The following EFR3A variants were observed in gnomAD, a reference collection of about 807,000 sequenced individuals.
EFR3A encodes the protein EFR3 homolog A.
EFR3A carries 76 observed loss-of-function variants against 104.4 expected under a neutral mutation model. That is an observed-to-expected ratio of 0.73 (90% confidence interval 0.60 to 0.88). The LOEUF is 0.88. Ranked by LOEUF, EFR3A falls within the 40% of genes least tolerant of loss-of-function variation. The pLI, the probability that EFR3A is intolerant of heterozygous loss-of-function variation, is 0.00. For synonymous variants in EFR3A, 330 were observed against 330.0 expected (o/e 1.00, Z 0.00); for missense variants, 985 against 1,012.5 (o/e 0.97, Z 0.37).
chr8:131,975,920 G>A (rs1820302395), intron 10 of EFR3A, 107 bp from the exon 11 acceptor site: 1 of 651,432 alleles, frequency 1.5e-6, no homozygotes, highest in Non-Finnish European at 2.7e-6. Context: ...ACAGACTTGT[G>A]AGGGATTGTT....
At chr8:131,975,281 G>A (rs563056532) in intron 10 of EFR3A, among the ~76,000 whole-genome samples, 3 of 152,142 alleles carry the variant, frequency 2.0e-5, no homozygotes, top group East Asian at 1.9e-4. Flanking sequence ...CCAGAGTAGT[G>A]ACTAATTATT....
intron 4 of EFR3A, among the ~76,000 whole-genome samples, chr8:131,949,095 A>G (rs1479453297): frequency 6.6e-6 from 1 of 152,128 alleles, no homozygotes; most frequent in Non-Finnish European, 1.5e-5. Flanking sequence ...TACTGATTCA[A>G]GAAAGAAAAA....
At chr8:131,957,490 A>G (rs1307016064) in intron 7 of EFR3A, among the ~76,000 whole-genome samples, 2 of 151,718 alleles carry the variant, frequency 1.3e-5, no homozygotes, top group Non-Finnish European at 2.9e-5. Flanking sequence ...AGCTTGGATT[A>G]TAGGCATGCG....
intron 12 of EFR3A, among the ~76,000 whole-genome samples, chr8:131,977,751 T>C (rs1469142040): frequency 6.6e-6 from 1 of 152,124 alleles, no homozygotes; most frequent in East Asian, 1.9e-4. Context: ...ATACCTTGTG[T>C]GGTTGTATTT....
chr8:131,925,783 A>G (rs549276221), intron 1 of EFR3A, among the ~76,000 whole-genome samples: 251 of 152,242 alleles, frequency 1.6e-3, no homozygotes, highest in African/African-American at 5.9e-3. Context: ...TTTAGTAGAA[A>G]GATCTTCTAC....
Position 132,013,405 on chromosome 8 carries a change from A to G in EFR3A, c.*2510A>G, listed in dbSNP as rs1822449447. 6.6e-6 allele frequency: 1 copy of G among 152,550 alleles called. No homozygotes were observed. Among genetic ancestry groups the G allele is most frequent in the Admixed American group, 6.6e-5 (1 of 15,256 alleles). The allele number at this position is 152,550 out of a possible 1,614,324, so 9.4% of individuals were successfully genotyped here. ...TAGAATAATAATACTACTACACTTT[A>G]CCAGCAATTAACTTCTCCCTACCCA... is the stretch of plus-strand genomic sequence containing the variant. On this transcript the variant is annotated 3_prime_UTR_variant, in exon 23 of 23. Coordinates refer to ENST00000254624, the MANE Select transcript of EFR3A (RefSeq NM_015137.6).
intron 18 of EFR3A, among the ~76,000 whole-genome samples, chr8:131,990,623 A>C (rs1273238601): frequency 6.6e-6 from 1 of 152,182 alleles, no homozygotes; most frequent in East Asian, 1.9e-4. Context: ...AGAGGATAAC[A>C]TGATCAGAGT....
chr8:131,944,109 T>TA (rs1416783575), intron 2 of EFR3A, among the ~76,000 whole-genome samples: 1 of 152,046 alleles, frequency 6.6e-6, no homozygotes, highest in African/African-American at 2.4e-5. Context: ...AAGCAACACT[T>TA]ACTTGGGTTA....
chr8:131,962,279 G>C (rs1314015063), intron 8 of EFR3A, among the ~76,000 whole-genome samples: 1 of 152,152 alleles, frequency 6.6e-6, no homozygotes, highest in African/African-American at 2.4e-5. Flanking sequence ...TGGATTAAGA[G>C]TCAAGACCCA....
chr8:131,935,086 A>T (rs1167972495), intron 1 of EFR3A, among the ~76,000 whole-genome samples: 1 of 152,112 alleles, frequency 6.6e-6, no homozygotes, highest in South Asian at 2.1e-4. Flanking sequence ...TTTCACCTTG[A>T]TTACTGGTGG....
intron 1 of EFR3A, among the ~76,000 whole-genome samples, chr8:131,930,656 A>G (rs1817550037): frequency 6.6e-6 from 1 of 152,062 alleles, no homozygotes; most frequent in African/African-American, 2.4e-5. Context: ...TTACTTAGAA[A>G]ATCTACTCCC....
rs1019671910 is a variant in EFR3A, at chr8:131,944,869, C to T, written c.212C>T (p.Ser71Phe). ...AGCAGGGATGTTGTCAGACATCGTT[C>T]TGGGTAAGGAAACTAATGGCTGCTA... is the stretch of plus-strand genomic sequence containing the variant. ...RLSRDVVRHR[S>F]GYVLIAMEAL... is the part of the protein sequence containing the mutation. Residue 71 changes from serine (S) to phenylalanine (F), a missense_variant, in exon 3 of 23, where the codon TCT becomes TTT. Transcript: ENST00000254624. 3 of 1,607,250 alleles carry T rather than the reference C, an allele frequency of 1.9e-6. No individual in the cohort carries two copies. Among genetic ancestry groups the T allele is most frequent in the Non-Finnish European group, 2.5e-6 (3 of 1,177,510 alleles).
At chr8:131,978,165 T>G (rs778429214) in intron 12 of EFR3A, among the ~76,000 whole-genome samples, 4 of 152,222 alleles carry the variant, frequency 2.6e-5, no homozygotes, top group Non-Finnish European at 5.9e-5. Flanking sequence ...GCAATTTAAT[T>G]TGATCCTAAG....
chr8:131,920,250 A>T (rs1816937008), intron 1 of EFR3A, among the ~76,000 whole-genome samples: 2 of 152,136 alleles, frequency 1.3e-5, no homozygotes, highest in South Asian at 4.1e-4. Context: ...CCTAAGCAGC[A>T]ATGGCCATTT....
rs1822333451 is a variant in EFR3A, at chr8:132,011,298, T to G, written c.*403T>G. On this transcript the variant is annotated 3_prime_UTR_variant, in exon 23 of 23. Transcript: ENST00000254624. ...AGCCGCTTAGATGTAGAATTTTTGT[T>G]GTTGTTTTCTGCAAAGGCAGATACA... is the stretch of plus-strand genomic sequence containing the variant. 1 of 988,322 alleles carries G rather than the reference T, an allele frequency of 1.0e-6. No individual in the cohort carries two copies. Among genetic ancestry groups the G allele is most frequent in the Non-Finnish European group, 1.2e-6 (1 of 831,682 alleles). 61.2% of individuals were successfully genotyped at this position (988,322 alleles called of 1,614,324 possible). A position where few individuals can be genotyped will look rare whatever the true frequency, so the allele number is the denominator to read the frequency against.
Position 131,945,909 on chromosome 8 carries a change from A to G in EFR3A, c.216-574A>G, listed in dbSNP as rs190714283. Among the ~76,000 whole-genome samples, 18 of 152,156 alleles carry G rather than the reference A, an allele frequency of 1.2e-4. No individual in the cohort carries two copies. The East Asian group carries it at 3.3e-3, about 28-fold the overall frequency. ...TATCTAATTTTGTAAGTTTGTATTC[A>G]TTAACCAACGTCTCTTCATCCCTCC... is the stretch of plus-strand genomic sequence containing the variant. On this transcript the variant is annotated intron_variant, in intron 3 of 22. Coordinates refer to ENST00000254624, the MANE Select transcript of EFR3A (RefSeq NM_015137.6).
At chr8:131,998,431 TA>T (rs1345222443) in intron 19 of EFR3A, among the ~76,000 whole-genome samples, 4 of 150,760 alleles carry the variant, frequency 2.7e-5, no homozygotes, top group East Asian at 1.9e-4. Context: ...ACTTATAATT[TA>T]AAAAAAAAGA....
intron 19 of EFR3A, among the ~76,000 whole-genome samples, chr8:131,999,565 T>A (rs1821683951): frequency 7.2e-6 from 1 of 139,178 alleles, no homozygotes; most frequent in South Asian, 2.6e-4. Flanking sequence ...AACTCCAACA[T>A]AACCAGTTTT....
intron 10 of EFR3A, among the ~76,000 whole-genome samples, chr8:131,975,255 G>A (rs373025471): frequency 6.6e-6 from 1 of 152,078 alleles, no homozygotes. Flanking sequence ...TCAAATATTT[G>A]AGAAATCCTG....
Sources: gnomAD v4.1 joint callset for allele counts (sites outside exome capture counted in the v4.1 genomes callset) on GRCh38, gnomAD v4.1.1 for gene constraint, MANE v1.5 for transcripts, NCBI Gene and HGNC (gene_info 2026-07-23, HGNC 2026-07-21) for gene names.